Variants in RNF216 observed in about 807,000 individuals in gnomAD.
RNF216 encodes ring finger protein 216.
A neutral mutation model predicts 110.8 loss-of-function variants in RNF216; 72 were observed. That is an observed-to-expected ratio of 0.65 (90% CI 0.54 to 0.79). RNF216 has a LOEUF of 0.79. Ranked by LOEUF, RNF216 falls within the 30% of genes least tolerant of loss-of-function variation. The probability of loss-of-function intolerance (pLI) is 0.00; values close to 1 mark genes in which losing one functional copy is unlikely to be tolerated. For missense variants in RNF216, 1,342 were observed against 1,141.2 expected, an observed-to-expected ratio of 1.18 and a Z score of -2.54; for synonymous variants, 495 against 407.5, an observed-to-expected ratio of 1.21 and a Z score of -2.59.
intron 13 of RNF216, among the ~76,000 whole-genome samples, chr7:5,673,083 G>A (rs527430873): frequency 6.6e-4 from 101 of 152,146 alleles, no homozygotes; most frequent in African/African-American, 2.2e-3. Context: ...CTATGTGCAC[G>A]GTGTGGGCAT....
chr7:5,745,889 G>A (rs377619684), intron 3 of RNF216, among the ~76,000 whole-genome samples: 16 of 49,276 alleles, frequency 3.2e-4, no homozygotes, highest in African/African-American at 1.2e-3. Context: ...GATTGAGACT[G>A]TCTTAAAAAA....
Position 5,734,626 on chromosome 7 carries a change from T to TA in RNF216, c.1122-3810dup, listed in dbSNP as rs1327330272. Among the ~76,000 whole-genome samples, 3 of 127,674 alleles carry TA rather than the reference T, an allele frequency of 2.3e-5. 1 individual carries two copies. Among genetic ancestry groups the TA allele is most frequent in the Admixed American group, 7.4e-5 (1 of 13,444 alleles). The allele number at this position is 127,674 out of a possible 152,430, so 83.8% of individuals were successfully genotyped here. On this transcript the variant is annotated intron_variant, in intron 5 of 16. Coordinates refer to ENST00000389902, the MANE Select transcript of RNF216 (RefSeq NM_207111.4). ...TGGCTTTCAAGGTTAAATACCCAGG[T>TA]AGAGTCTGTCGTTGAAAAATAAAAA...
In RNF216 at chr7:5,620,202, A is replaced by T. The variant is rs192803477; in HGVS notation, c.*2658T>A. The T allele has an allele frequency of 3.9e-5, 6 of 152,294 alleles. No homozygotes were observed. Among genetic ancestry groups the T allele is most frequent in the African/African-American group, 1.4e-4 (6 of 41,482 alleles). 9.4% of individuals were successfully genotyped at this position (152,294 alleles called of 1,614,324 possible). A position where few individuals can be genotyped will look rare whatever the true frequency, so the allele number is the denominator to read the frequency against. On this transcript the variant is annotated 3_prime_UTR_variant, in exon 17 of 17. Coordinates refer to ENST00000389902, the MANE Select transcript of RNF216 (RefSeq NM_207111.4). ...ACTAATCGTTTCTTGTTTTTATACAAAGTGACAGATCATGCACATTTTTTT... is the reference window on the plus strand; with the variant it reads ...ACTAATCGTTTCTTGTTTTTATACATAGTGACAGATCATGCACATTTTTTT...
chr7:5,723,379 T>A (rs1217778749), intron 8 of RNF216, among the ~76,000 whole-genome samples: 1 of 152,164 alleles, frequency 6.6e-6, no homozygotes, highest in African/African-American at 2.4e-5. Context: ...CCGGGTGCGG[T>A]GGCTCAAGCC....
chr7:5,645,214 CTTCT>C (rs1417445465), intron 14 of RNF216, among the ~76,000 whole-genome samples: 4 of 152,014 alleles, frequency 2.6e-5, no homozygotes, highest in Non-Finnish European at 5.9e-5. Context: ...GTGGTGTGGA[CTTCT>C]TTGAGTTCAT....
chr7:5,660,410 G>C (rs1244800484), intron 13 of RNF216, among the ~76,000 whole-genome samples: 2 of 149,190 alleles, frequency 1.3e-5, no homozygotes, highest in African/African-American at 4.9e-5. Flanking sequence ...TCCCACCTCA[G>C]CCTCTCGAGT....
At chr7:5,664,171 T>C (rs1165184560) in intron 13 of RNF216, among the ~76,000 whole-genome samples, 2 of 152,084 alleles carry the variant, frequency 1.3e-5, no homozygotes, top group Non-Finnish European at 2.9e-5. Flanking sequence ...GTACTTTCCA[T>C]GGGCAAAAAA....
chr7:5,755,599 G>A (rs1795593995), intron 2 of RNF216, among the ~76,000 whole-genome samples: 1 of 152,136 alleles, frequency 6.6e-6, no homozygotes, highest in African/African-American at 2.4e-5. Context: ...TCTCTTTCTT[G>A]CAAATAATGT....
At chr7:5,630,604 G>T (rs1787009925) in intron 15 of RNF216, among the ~76,000 whole-genome samples, 1 of 152,040 alleles carries the variant, frequency 6.6e-6, no homozygotes. Flanking sequence ...TGTTGTCCAG[G>T]CAGGTCTCAA....
At chr7:5,771,895 A>T (rs1796514499) in intron 1 of RNF216, among the ~76,000 whole-genome samples, 1 of 152,216 alleles carries the variant, frequency 6.6e-6, no homozygotes, top group Non-Finnish European at 1.5e-5. Context: ...CAATAAATAA[A>T]TGAAAAAGTG....
At chr7:5,662,961 T>C (rs1396929652) in intron 13 of RNF216, among the ~76,000 whole-genome samples, 1 of 152,050 alleles carries the variant, frequency 6.6e-6, no homozygotes, top group African/African-American at 2.4e-5. Flanking sequence ...GCTCAGAGAA[T>C]CCAGCACCCA....
At chr7:5,722,598 G>A (rs895214908) in intron 8 of RNF216, among the ~76,000 whole-genome samples, 2 of 151,512 alleles carry the variant, frequency 1.3e-5, no homozygotes, top group Middle Eastern at 3.2e-3. Flanking sequence ...CACTGTGTTA[G>A]CCAGGATGGT....
rs75064103 is a variant in RNF216, at chr7:5,755,942, C to A, written c.68-2963G>T. ...ACGTTGCTTCACGTCCTTATGGGAA[C>A]ACAATCATGCTCATTCATTTATATA... On this transcript the variant is annotated intron_variant, in intron 2 of 16. Transcript: ENST00000389902. Among the ~76,000 whole-genome samples, 593 of 150,280 alleles carry A rather than the reference C, an allele frequency of 3.9e-3. 3 individuals are homozygous for A. Among genetic ancestry groups the A allele is most frequent in the African/African-American group, 0.014 (557 of 41,110 alleles).
intron 15 of RNF216, among the ~76,000 whole-genome samples, chr7:5,633,304 G>A (rs192235715): frequency 7.6e-4 from 115 of 152,090 alleles, no homozygotes; most frequent in Non-Finnish European, 1.3e-3. Flanking sequence ...GGCCGGGTGC[G>A]GTGGCTCATG....
intron 13 of RNF216, chr7:5,662,575 A>G (rs1231021116): frequency 6.6e-6 from 1 of 152,212 alleles, no homozygotes; most frequent in Admixed American, 6.5e-5. Flanking sequence ...ACTGAAAGGA[A>G]TGAAGACACT....
At chr7:5,687,138 G>A (rs1326240911) in intron 13 of RNF216, among the ~76,000 whole-genome samples, 1 of 152,210 alleles carries the variant, frequency 6.6e-6, no homozygotes, top group Non-Finnish European at 1.5e-5. Context: ...GCTCATGCCT[G>A]TAATCCCAGC....
At chr7:5,730,223 C>G (rs1244119911) in intron 6 of RNF216, among the ~76,000 whole-genome samples, 1 of 152,136 alleles carries the variant, frequency 6.6e-6, no homozygotes, top group Non-Finnish European at 1.5e-5. Flanking sequence ...AATGCATTAT[C>G]ATGAAATGAA....
At chr7:5,651,272 G>A (rs1788369544) in intron 14 of RNF216, among the ~76,000 whole-genome samples, 1 of 151,786 alleles carries the variant, frequency 6.6e-6, no homozygotes, top group African/African-American at 2.4e-5. Context: ...CGCCCAGGCT[G>A]TAGTGTTGTA....
chr7:5,756,073 C>T (rs899528803), intron 2 of RNF216, among the ~76,000 whole-genome samples: 83 of 152,072 alleles, frequency 5.5e-4, no homozygotes, highest in Non-Finnish European at 1.0e-3. Context: ...TGGAGGTAAT[C>T]GGATCATGGG....
Sources: allele counts gnomAD v4.1 joint callset (sites outside exome capture counted in the v4.1 genomes callset), GRCh38; gene constraint gnomAD v4.1.1; transcripts MANE v1.5; gene names NCBI Gene and HGNC (gene_info 2026-07-23, HGNC 2026-07-21).